The following MYO1D variants were observed in gnomAD, a reference collection of about 807,000 sequenced individuals.
MYO1D encodes myosin ID.
In MYO1D, 83 loss-of-function variants were observed where a neutral mutation model predicts 122.0. That is an observed-to-expected ratio of 0.68 (90% CI 0.57 to 0.82). The LOEUF is 0.82. Among genes scored for constraint, MYO1D ranks in the 40% least tolerant of loss-of-function variants. The pLI is 0.00. For synonymous variants in MYO1D, 464 were observed against 446.9 expected, an observed-to-expected ratio of 1.04 and a Z score of -0.48; for missense variants, 1,157 against 1,269.5, an observed-to-expected ratio of 0.91 and a Z score of 1.35.
intron 1 of MYO1D, among the ~76,000 whole-genome samples, chr17:32,813,769 T>C (rs1327514264): frequency 6.6e-6 from 1 of 152,176 alleles, no homozygotes; most frequent in Non-Finnish European, 1.5e-5. Context: ...GGAGACCAGT[T>C]AAGAGACAGC....
chr17:32,587,106 C>T (rs749917222), intron 21 of MYO1D, among the ~76,000 whole-genome samples: 2 of 152,106 alleles, frequency 1.3e-5, no homozygotes, highest in African/African-American at 2.4e-5. Flanking sequence ...CTAGTTTTTC[C>T]AAGACTCATT....
chr17:32,726,831 A>G (rs1042830389), intron 14 of MYO1D, among the ~76,000 whole-genome samples: 3 of 151,864 alleles, frequency 2.0e-5, no homozygotes, highest in African/African-American at 7.2e-5. Flanking sequence ...GTATATAATT[A>G]AAATACATGC....
intron 1 of MYO1D, among the ~76,000 whole-genome samples, chr17:32,855,655 T>G (rs925754564): frequency 5.3e-5 from 8 of 152,232 alleles, no homozygotes; most frequent in Admixed American, 4.6e-4. Flanking sequence ...ATTTCTACAC[T>G]GCAGAAGCTG....
intron 21 of MYO1D, among the ~76,000 whole-genome samples, chr17:32,573,821 G>A (rs1024687864): frequency 6.6e-6 from 1 of 151,948 alleles, no homozygotes; most frequent in Non-Finnish European, 1.5e-5. Context: ...CACTGTGCCC[G>A]GTCTCTGACC....
chr17:32,673,807 T>C (rs2088761287), intron 16 of MYO1D, among the ~76,000 whole-genome samples: 1 of 152,262 alleles, frequency 6.6e-6, no homozygotes, highest in African/African-American at 2.4e-5. Flanking sequence ...AGTTCTTAAT[T>C]GTTTTGGGGT....
intron 14 of MYO1D, among the ~76,000 whole-genome samples, chr17:32,730,945 C>T (rs976576189): frequency 2.1e-5 from 3 of 141,636 alleles, no homozygotes; most frequent in African/African-American, 8.1e-5. Context: ...CTTGCTCTGT[C>T]GCCCAGGCGG....
intron 1 of MYO1D, among the ~76,000 whole-genome samples, chr17:32,804,772 TAAAG>T: frequency 6.6e-6 from 1 of 152,246 alleles, no homozygotes; most frequent in East Asian, 1.9e-4. Flanking sequence ...AGTAAGGAAA[TAAAG>T]AGTTTAGTAA....
At chr17:32,691,322 C>T (rs993584643) in intron 16 of MYO1D, among the ~76,000 whole-genome samples, 15 of 151,036 alleles carry the variant, frequency 9.9e-5, no homozygotes, top group African/African-American at 3.7e-4. Context: ...CATAGCCAAT[C>T]GCTCTTCATC....
At chr17:32,615,664 A>T (rs777479772) in intron 20 of MYO1D, among the ~76,000 whole-genome samples, 1 of 152,232 alleles carries the variant, frequency 6.6e-6, no homozygotes, top group Non-Finnish European at 1.5e-5. Flanking sequence ...TCAAACCCAG[A>T]GTGGGATTGT....
chr17:32,563,204 CTCTTTTTTTTTTTT>C (rs1039879935), intron 21 of MYO1D, among the ~76,000 whole-genome samples: 1 of 105,134 alleles, frequency 9.5e-6, no homozygotes, highest in East Asian at 2.7e-4. Context: ...TTTTTCTTCT[CTCTTTTTTTTTTTT>C]TTTTTTTTTG....
At chr17:32,759,827 G>A in intron 10 of MYO1D, 1 of 383,462 alleles carries the variant, frequency 2.6e-6, no homozygotes, top group Non-Finnish European at 4.6e-6. Flanking sequence ...AGTAAAACAA[G>A]TATTTTAATG....
chr17:32,708,774 C>G (rs2089339219), intron 16 of MYO1D, among the ~76,000 whole-genome samples: 1 of 152,208 alleles, frequency 6.6e-6, no homozygotes, highest in South Asian at 2.1e-4. Flanking sequence ...AGATCTGTCT[C>G]ACAGAGAAGA....
At chr17:32,841,305 A>G (rs1445935220) in intron 1 of MYO1D, among the ~76,000 whole-genome samples, 2 of 151,944 alleles carry the variant, frequency 1.3e-5, no homozygotes, top group African/African-American at 4.8e-5. Context: ...CCACCTTTAC[A>G]AAAAATAGAA....
intron 14 of MYO1D, among the ~76,000 whole-genome samples, chr17:32,728,307 G>A (rs960687548): frequency 2.0e-5 from 3 of 151,660 alleles, no homozygotes; most frequent in Admixed American, 1.3e-4. Flanking sequence ...CCGGGTTCAC[G>A]TGATTCTCCT....
At chr17:32,571,050 C>T (rs2087222269) in intron 21 of MYO1D, among the ~76,000 whole-genome samples, 1 of 151,948 alleles carries the variant, frequency 6.6e-6, no homozygotes, top group African/African-American at 2.4e-5. Flanking sequence ...TCAGAAGTCA[C>T]AAGATGGGTG....
In MYO1D at chr17:32,876,793, G is replaced by T. The variant is rs777448385; in HGVS notation, c.80C>A (p.Ala27Asp). The change falls in exon 1 of 22, where the codon GCC becomes GAC. Residue 27 changes from alanine (A) to aspartate (D), a missense_variant. Transcript: ENST00000318217. ...MDTVSMPEFMANLRLRFEKGR... is the reference protein window; with the variant it reads ...MDTVSMPEFMDNLRLRFEKGR... ...CCGCCCTCACCTGAGCCTGAGGTTG[G>T]CCATGAACTCGGGCATGGAGACGGT... 8.6e-6 allele frequency: 13 copies of T among 1,516,350 alleles called. No homozygotes were observed. The highest frequency in any genetic ancestry group is 1.1e-5 in the Non-Finnish European group (13 of 1,132,330). 93.9% of individuals were successfully genotyped at this position (1,516,350 alleles called of 1,614,324 possible).
chr17:32,872,110 C>T (rs1251064169), intron 1 of MYO1D, among the ~76,000 whole-genome samples: 1 of 142,866 alleles, frequency 7.0e-6, no homozygotes, highest in Non-Finnish European at 1.6e-5. Context: ...ACCACCACCT[C>T]CATCTCCACC....
intron 13 of MYO1D, among the ~76,000 whole-genome samples, chr17:32,739,762 G>C (rs747579046): frequency 2.0e-5 from 3 of 152,016 alleles, no homozygotes; most frequent in Non-Finnish European, 4.4e-5. Context: ...TAAAAATTGA[G>C]TTGGATCCCC....
At chr17:32,776,720 T>C (rs139734397) in intron 3 of MYO1D, among the ~76,000 whole-genome samples, 52 of 152,340 alleles carry the variant, frequency 3.4e-4, no homozygotes, top group Middle Eastern at 3.4e-3. Flanking sequence ...AGTTCAGAAA[T>C]TGCTCATTAT....
Sources: gnomAD v4.1 joint callset for allele counts (sites outside exome capture counted in the v4.1 genomes callset) on GRCh38, gnomAD v4.1.1 for gene constraint, MANE v1.5 for transcripts, NCBI Gene and HGNC (gene_info 2026-07-23, HGNC 2026-07-21) for gene names.